Variants in RANBP2 observed in about 807,000 individuals in gnomAD.
RANBP2 encodes RAN binding protein 2.
A neutral mutation model predicts 303.6 loss-of-function variants in RANBP2; 57 were observed. The ratio of observed to expected loss-of-function variants is 0.19; its 90% confidence interval spans 0.15 to 0.23. The LOEUF (loss-of-function observed/expected upper bound fraction) is 0.23, where lower values mean the gene tolerates loss of function less well. RANBP2 is among the 10% of genes least tolerant of loss of function. The pLI is 1.00. For synonymous variants in RANBP2, 1,167 were observed against 1,301.5 expected, an observed-to-expected ratio of 0.90 and a Z score of 2.23; for missense variants, 3,138 against 3,780.8, an observed-to-expected ratio of 0.83 and a Z score of 4.46.
chr2:109,650,773 G>A, the RANBP2 span, among the ~76,000 whole-genome samples: 2 of 152,062 alleles, frequency 1.3e-5, no homozygotes, highest in African/African-American at 2.4e-5. Flanking sequence ...CATGCTAAAC[G>A]TGCCTTTTGC....
At chr2:109,463,542 G>C in the RANBP2 span, among the ~76,000 whole-genome samples, 1 of 152,156 alleles carries the variant, frequency 6.6e-6, no homozygotes, top group African/African-American at 2.4e-5. Flanking sequence ...CGTGTCCTCT[G>C]GACCCTCCTG....
the RANBP2 span, among the ~76,000 whole-genome samples, chr2:108,938,968 C>T: frequency 6.6e-6 from 1 of 151,850 alleles, no homozygotes; most frequent in Non-Finnish European, 1.5e-5. Flanking sequence ...TTATTAGAGA[C>T]GGGGTTTCAC....
At chr2:109,382,531 G>A in the RANBP2 span, among the ~76,000 whole-genome samples, 1 of 152,186 alleles carries the variant, frequency 6.6e-6, no homozygotes, top group South Asian at 2.1e-4. Flanking sequence ...TCTTGCAGCT[G>A]TGTCCCCAGG....
chr2:109,442,698 CTAAA>C, the RANBP2 span, among the ~76,000 whole-genome samples: 2 of 151,832 alleles, frequency 1.3e-5, no homozygotes, highest in Non-Finnish European at 2.9e-5. Context: ...TAAGCAGTCA[CTAAA>C]TATGAAACAA....
chr2:109,465,827 C>T, the RANBP2 span, among the ~76,000 whole-genome samples: 1 of 151,926 alleles, frequency 6.6e-6, no homozygotes, highest in African/African-American at 2.4e-5. Flanking sequence ...AATCAGGTCT[C>T]ATGAGAACTC....
the RANBP2 span, among the ~76,000 whole-genome samples, chr2:108,996,460 G>A: frequency 6.6e-6 from 1 of 152,210 alleles, no homozygotes; most frequent in Non-Finnish European, 1.5e-5. Context: ...AAAGGCTCCA[G>A]ATAGGTGAGT....
At chr2:109,130,923 A>G in the RANBP2 span, among the ~76,000 whole-genome samples, 1 of 152,144 alleles carries the variant, frequency 6.6e-6, no homozygotes, top group Non-Finnish European at 1.5e-5. Context: ...AGTTACCAGG[A>G]GAGAGGGCAT....
chr2:109,266,867 T>C, the RANBP2 span, among the ~76,000 whole-genome samples: 1 of 152,194 alleles, frequency 6.6e-6, no homozygotes, highest in Admixed American at 6.5e-5. Context: ...TGGAGACCAC[T>C]GCTGCAGACC....
chr2:109,135,482 T>C, the RANBP2 span, among the ~76,000 whole-genome samples: 1 of 152,236 alleles, frequency 6.6e-6, no homozygotes, highest in Non-Finnish European at 1.5e-5. Flanking sequence ...GGATAACGTA[T>C]GTGCAGTGCC....
chr2:109,266,708 G>A, the RANBP2 span, among the ~76,000 whole-genome samples: 27 of 152,276 alleles, frequency 1.8e-4, no homozygotes, highest in Middle Eastern at 3.4e-3. Flanking sequence ...CTTCTAAGCC[G>A]TAGTCAGTGG....
At chr2:108,825,095 A>G in the RANBP2 span, among the ~76,000 whole-genome samples, 1 of 152,158 alleles carries the variant, frequency 6.6e-6, no homozygotes, top group Non-Finnish European at 1.5e-5. Context: ...GAATCATGCA[A>G]AATAAATTAG....
chr2:109,104,167 T>C, the RANBP2 span, among the ~76,000 whole-genome samples: 1 of 152,256 alleles, frequency 6.6e-6, no homozygotes, highest in Non-Finnish European at 1.5e-5. Flanking sequence ...GTCAAAGAAA[T>C]ATATTTGGGG....
At chr2:108,873,532 T>A in the RANBP2 span, 1 of 1,612,418 alleles carries the variant, frequency 6.2e-7, no homozygotes, top group African/African-American at 1.3e-5. Flanking sequence ...GCCCCTAAGC[T>A]TGATCTTCAA....
chr2:109,524,146 G>T, the RANBP2 span, among the ~76,000 whole-genome samples: 1 of 152,202 alleles, frequency 6.6e-6, no homozygotes, highest in Non-Finnish European at 1.5e-5. Context: ...GGGCCTAGTG[G>T]CGCAAGAGCA....
At chr2:109,545,534 C>G in the RANBP2 span, 4 of 1,535,820 alleles carry the variant, frequency 2.6e-6, no homozygotes, top group Non-Finnish European at 3.5e-6. Flanking sequence ...GAATCGACAG[C>G]CTGGTTCCCT....
chr2:108,886,633 C>CGG, the RANBP2 span, among the ~76,000 whole-genome samples: 1 of 151,904 alleles, frequency 6.6e-6, no homozygotes, highest in Non-Finnish European at 1.5e-5. Flanking sequence ...AGGATGGTCT[C>CGG]CATCTCCTGA....
At chr2:109,079,771 C>T in the RANBP2 span, among the ~76,000 whole-genome samples, 2 of 152,148 alleles carry the variant, frequency 1.3e-5, no homozygotes, top group Non-Finnish European at 2.9e-5. Flanking sequence ...GGGGAGGCTC[C>T]CTGGGAAGGG....
At chr2:108,881,674 A>G in the RANBP2 span, among the ~76,000 whole-genome samples, 1 of 152,192 alleles carries the variant, frequency 6.6e-6, no homozygotes, top group Non-Finnish European at 1.5e-5. Context: ...TAAGGTTATT[A>G]ATTGGCCTAA....
the RANBP2 span, among the ~76,000 whole-genome samples, chr2:109,001,307 T>G: frequency 1.3e-5 from 2 of 152,204 alleles, no homozygotes; most frequent in Non-Finnish European, 2.9e-5. Context: ...CAATCAGCTA[T>G]GTGGCCAATG....
Sources: gnomAD v4.1 joint callset for allele counts (sites outside exome capture counted in the v4.1 genomes callset) on GRCh38, gnomAD v4.1.1 for gene constraint, MANE v1.5 for transcripts, NCBI Gene and HGNC (gene_info 2026-07-23, HGNC 2026-07-21) for gene names.